Variants in S1PR2 observed in about 807,000 individuals in gnomAD.
S1PR2 encodes sphingosine-1-phosphate receptor 2, also known as sphingosine 1-phosphate receptor 2.
S1PR2 carries 9 observed loss-of-function variants against 16.1 expected under a neutral mutation model. The ratio of observed to expected loss-of-function variants is 0.56; its 90% confidence interval spans 0.34 to 0.98. S1PR2 has a LOEUF of 0.98. Ranked by LOEUF, S1PR2 falls within the 50% of genes least tolerant of loss-of-function variation. The probability of loss-of-function intolerance (pLI) is 0.02; values close to 1 mark genes in which losing one functional copy is unlikely to be tolerated. For synonymous variants in S1PR2, 224 were observed against 233.9 expected, an observed-to-expected ratio of 0.96 and a Z score of 0.38; for missense variants, 361 against 488.4, an observed-to-expected ratio of 0.74 and a Z score of 2.46.
At chr19:10,231,067 C>T (rs1312002460) in intron 1 of S1PR2, 137 bp downstream of exon 1, 1 of 152,500 alleles carries the variant, frequency 6.6e-6, no homozygotes, top group African/African-American at 2.4e-5. Flanking sequence ...CGCACTGTGA[C>T]CACCCGCTCC....
At position 10,225,929 on chromosome 19, in the gene S1PR2, T is replaced by C. The variant is rs190880148; in HGVS notation, c.-42-982A>G. The stretch of plus-strand genomic sequence containing the variant: ...CATGATCATAGCTCACAGTTGTCTC[T>C]ACTCCTGGGCTCAAGTGATCCTCCT... On this transcript the variant is annotated intron_variant, in intron 1 of 1. Transcript: ENST00000646641. Among the ~76,000 whole-genome samples the C allele has an allele frequency of 5.4e-3, 824 of 152,144 alleles. 9 individuals carry two copies. The highest frequency in any genetic ancestry group is 0.019 in the African/African-American group (782 of 41,502).
At chr19:10,227,796 T>C (rs1453605973) in intron 1 of S1PR2, among the ~76,000 whole-genome samples, 1 of 152,100 alleles carries the variant, frequency 6.6e-6, no homozygotes, top group Non-Finnish European at 1.5e-5. Context: ...GTTAATGCTA[T>C]GTGGACGTCC....
At chr19:10,229,899 C>T (rs925719011) in intron 1 of S1PR2, among the ~76,000 whole-genome samples, 1 of 152,096 alleles carries the variant, frequency 6.6e-6, no homozygotes, top group Admixed American at 6.6e-5. Context: ...ATGCCTAAGG[C>T]CAGGGAGCAA....
At chr19:10,230,367 T>A (rs2039664725) in intron 1 of S1PR2, 1 of 154,412 alleles carries the variant, frequency 6.5e-6, no homozygotes, top group South Asian at 2.0e-4. Flanking sequence ...CGCCTCGAGA[T>A]TCTGGGAAGA....
At chr19:10,230,675 T>C (rs573587981) in intron 1 of S1PR2, among the ~76,000 whole-genome samples, 1 of 152,130 alleles carries the variant, frequency 6.6e-6, no homozygotes, top group African/African-American at 2.4e-5. Flanking sequence ...GCAGTCACTT[T>C]CTCTTTCCTT....
chr19:10,223,579 G>A lies in S1PR2; in HGVS notation c.*265C>T. 2.2e-6 allele frequency: 1 copy of A among 445,228 alleles called. No individual in the cohort carries two copies. The highest frequency in any genetic ancestry group is 3.3e-5 in the East Asian group (1 of 30,698). The allele number at this position is 445,228 out of a possible 1,614,324, so 27.6% of individuals were successfully genotyped here. ...CCTGCCCTCACCCTGGCTCTTCACA[G>A]GTCCCCTGCCCTGGCCTCCCCAGGA... On this transcript the variant is annotated 3_prime_UTR_variant, in exon 2 of 2. Coordinates refer to ENST00000646641, the MANE Select transcript of S1PR2 (RefSeq NM_004230.4).
intron 1 of S1PR2, among the ~76,000 whole-genome samples, chr19:10,227,103 G>A (rs189970301): frequency 6.4e-4 from 97 of 152,066 alleles, no homozygotes; most frequent in Non-Finnish European, 1.2e-3. Context: ...CAGCTTGGGG[G>A]TAGGGTTAGG....
chr19:10,226,921 AC>A (rs138133495), intron 1 of S1PR2, among the ~76,000 whole-genome samples: 2,861 of 139,866 alleles, frequency 0.02, 96 homozygotes, highest in African/African-American at 0.071. Context: ...AACCTGAGTC[AC>A]CCCCCCAACC....
intron 1 of S1PR2, among the ~76,000 whole-genome samples, chr19:10,229,441 C>A (rs2039655807): frequency 6.6e-6 from 1 of 152,024 alleles, no homozygotes; most frequent in African/African-American, 2.4e-5. Context: ...AGGTGCCTAC[C>A]ACCACACCTG....
rs2039595939 is a variant in S1PR2 at position 10,221,933 on chromosome 19, G to C, written c.*1911C>G. The C allele has an allele frequency of 6.6e-6, 1 of 152,456 alleles. No homozygotes were observed. The highest frequency in any genetic ancestry group is 2.4e-5 in the African/African-American group (1 of 41,462). The allele number at this position is 152,456 out of a possible 1,614,324, so 9.4% of individuals were successfully genotyped here. A position where few individuals can be genotyped will look rare whatever the true frequency, so the allele number is the denominator to read the frequency against. On this transcript the variant is annotated 3_prime_UTR_variant, in exon 2 of 2. Coordinates refer to ENST00000646641, the MANE Select transcript of S1PR2 (RefSeq NM_004230.4). ...TCCCCAGGAAATGTCCCTAGCCACTGCCACCCCCATGCTCCATTCTATATA... is the reference window on the plus strand; with the variant it reads ...TCCCCAGGAAATGTCCCTAGCCACTCCCACCCCCATGCTCCATTCTATATA...
In S1PR2 at chr19:10,224,029, G is replaced by A. The variant is rs370698200; in HGVS notation, c.877C>T (p.Arg293Trp). 43 of 1,612,336 alleles carry A rather than the reference G, an allele frequency of 2.7e-5. No homozygotes were observed. Among genetic ancestry groups the A allele is most frequent in the South Asian group, 5.5e-5 (5 of 91,084 alleles). Reference protein sequence around the residue: ...LNPVIYTWRSRDLRREVLRPL... With the variant: ...LNPVIYTWRSWDLRREVLRPL... ...CGAAGCACCTCCCGCCGCAGGTCCC[G>A]GCTGCGCCACGTGTAGATGACGGGG... Residue 293 changes from arginine to tryptophan, a missense_variant, in exon 2 of 2, where the codon CGG becomes TGG. Physicochemically the swap from Arg to Trp is moderately radical, Grantham distance 101. Coordinates refer to ENST00000646641, the MANE Select transcript of S1PR2 (RefSeq NM_004230.4).
chr19:10,229,155 G>A (rs956927229), intron 1 of S1PR2, among the ~76,000 whole-genome samples: 2 of 151,958 alleles, frequency 1.3e-5, no homozygotes, highest in African/African-American at 2.4e-5. Context: ...GGCCCCTGCC[G>A]ATGAAGCCTC....
In S1PR2 at chr19:10,224,738, A is replaced by G. The variant is rs2039620024; in HGVS notation, c.168T>C (p.Ile56=). 5.6e-6 allele frequency: 9 copies of G among 1,614,128 alleles called. No homozygotes were observed. In the East Asian group the frequency reaches 1.8e-4, roughly 32 times the overall value. The change falls in exon 2 of 2, where the codon ATT becomes ATC. Residue 56 remains isoleucine (I), a synonymous_variant. Coordinates refer to ENST00000646641, the MANE Select transcript of S1PR2 (RefSeq NM_004230.4). ...AIVVENLLVL[I]AVARNSKFHS... Reference sequence around the variant, plus strand: ...GGAACTTGCTGTTTCGGGCCACCGCAATGAGCACCAGAAGGTTTTCCACCA... The same window carrying G: ...GGAACTTGCTGTTTCGGGCCACCGCGATGAGCACCAGAAGGTTTTCCACCA...
At chr19:10,227,122 G>C (rs2039640728) in intron 1 of S1PR2, among the ~76,000 whole-genome samples, 1 of 151,938 alleles carries the variant, frequency 6.6e-6, no homozygotes, top group African/African-American at 2.4e-5. Flanking sequence ...GGGGTTGTCA[G>C]AGGCGCCAGT....
At chr19:10,230,044 T>C (rs771298919) in intron 1 of S1PR2, among the ~76,000 whole-genome samples, 1 of 152,254 alleles carries the variant, frequency 6.6e-6, no homozygotes, top group South Asian at 2.1e-4. Context: ...GGGTGGAAAC[T>C]CCTAAGCTCA....
At chr19:10,230,687 C>T (rs2039669642) in intron 1 of S1PR2, among the ~76,000 whole-genome samples, 1 of 152,220 alleles carries the variant, frequency 6.6e-6, no homozygotes. Context: ...TCTTTCCTTA[C>T]AAAACAAAGC....
intron 1 of S1PR2, among the ~76,000 whole-genome samples, chr19:10,230,157 T>C (rs1441953945): frequency 1.3e-5 from 2 of 152,178 alleles, no homozygotes; most frequent in Non-Finnish European, 2.9e-5. Context: ...CGTGTCTCCA[T>C]GGAGATGGCA....
At chr19:10,230,504 G>C in intron 1 of S1PR2, 1 of 154,652 alleles carries the variant, frequency 6.5e-6, no homozygotes, top group African/African-American at 2.4e-5. Flanking sequence ...GACAGAGACA[G>C]AGGAGGGGGT....
chr19:10,227,840 G>C (rs910361005), intron 1 of S1PR2, among the ~76,000 whole-genome samples: 4 of 152,062 alleles, frequency 2.6e-5, no homozygotes, highest in Non-Finnish European at 5.9e-5. Flanking sequence ...CTGACCTCTG[G>C]GTCACCCCGA....
Sources: allele counts gnomAD v4.1 joint callset (sites outside exome capture counted in the v4.1 genomes callset), GRCh38; gene constraint gnomAD v4.1.1; transcripts MANE v1.5; gene names NCBI Gene and HGNC (gene_info 2026-07-23, HGNC 2026-07-21).